CSMD1: variants seen among roughly 807,000 people sequenced by gnomAD.
CSMD1 encodes the protein CUB and sushi domain-containing protein 1.
CSMD1 carries 213 observed loss-of-function variants against 417.5 expected under a neutral mutation model. The observed-to-expected ratio is 0.51, with a 90% CI of 0.46 to 0.57. The LOEUF (loss-of-function observed/expected upper bound fraction) is 0.57. CSMD1 is among the 20% of genes least tolerant of loss of function. The pLI, the probability that CSMD1 is intolerant of heterozygous loss-of-function variation, is 0.00. For missense variants in CSMD1, 6,923 were observed against 4,529.7 expected, an observed-to-expected ratio of 1.53 and a Z score of -15.17; for synonymous variants, 2,862 against 1,736.8, an observed-to-expected ratio of 1.65 and a Z score of -16.11.
chr8:3,837,223 T>A (rs1039879702), intron 5 of CSMD1, among the ~76,000 whole-genome samples: 2 of 152,146 alleles, frequency 1.3e-5, no homozygotes, highest in African/African-American at 2.4e-5. Context: ...TATTCCAGAA[T>A]AGATGTGCAT....
intron 3 of CSMD1, among the ~76,000 whole-genome samples, chr8:4,113,106 G>T (rs541644803): frequency 6.6e-6 from 1 of 152,210 alleles, no homozygotes; most frequent in Non-Finnish European, 1.5e-5. Flanking sequence ...TTAATGTGGT[G>T]TGTGTTCTTA....
At chr8:3,438,855 C>A (rs912212595) in intron 12 of CSMD1, among the ~76,000 whole-genome samples, 1 of 151,810 alleles carries the variant, frequency 6.6e-6, no homozygotes, top group Non-Finnish European at 1.5e-5. Flanking sequence ...GTGGCTTGCA[C>A]CTGTAATCCC....
At chr8:3,333,281 A>G (rs1807028683) in intron 23 of CSMD1, among the ~76,000 whole-genome samples, 1 of 151,998 alleles carries the variant, frequency 6.6e-6, no homozygotes, top group Admixed American at 6.5e-5. Flanking sequence ...ATGCTGTGAG[A>G]TAAGAAACGG....
intron 2 of CSMD1, among the ~76,000 whole-genome samples, chr8:4,551,814 G>C (rs1797883367): frequency 6.6e-6 from 1 of 151,796 alleles, no homozygotes; most frequent in African/African-American, 2.4e-5. Flanking sequence ...TAGTAGCTGG[G>C]ATACCTGGCT....
At chr8:4,018,774 T>C (rs1246736316) in intron 4 of CSMD1, among the ~76,000 whole-genome samples, 1 of 152,210 alleles carries the variant, frequency 6.6e-6, no homozygotes, top group Non-Finnish European at 1.5e-5. Flanking sequence ...ACAGACTCTG[T>C]AGCCAAAGTG....
rs543452589 is a variant in CSMD1, at chr8:3,618,746, A to G, written c.1010-1949T>C. Among the ~76,000 whole-genome samples, 429 of 152,322 alleles carry G rather than the reference A, an allele frequency of 2.8e-3. 2 individuals are homozygous for G. Among genetic ancestry groups the G allele is most frequent in the African/African-American group, 9.7e-3 (402 of 41,576 alleles). On this transcript the variant is annotated intron_variant, in intron 7 of 69. Transcript: ENST00000635120. The stretch of plus-strand genomic sequence containing the variant: ...TCTGTAACAACCAAGCAAATGCCCA[A>G]TGAAGAAAAAGATGTTCAAAATAGG...
At chr8:4,129,542 T>A (rs1265320887) in intron 3 of CSMD1, among the ~76,000 whole-genome samples, 2 of 151,800 alleles carry the variant, frequency 1.3e-5, no homozygotes, top group African/African-American at 4.8e-5. Flanking sequence ...ATTTTGAGAT[T>A]GGATTCCATC....
chr8:3,510,429 G>A (rs1236319773), intron 10 of CSMD1, among the ~76,000 whole-genome samples: 1 of 151,784 alleles, frequency 6.6e-6, no homozygotes, highest in East Asian at 1.9e-4. Flanking sequence ...ATTTGGCCTG[G>A]CATGGGGTAA....
chr8:3,446,796 G>T (rs186130637), intron 12 of CSMD1, among the ~76,000 whole-genome samples: 1 of 152,334 alleles, frequency 6.6e-6, no homozygotes, highest in African/African-American at 2.4e-5. Context: ...GAACCTGTTG[G>T]AAATATAAAT....
At chr8:3,914,432 T>C (rs1361037761) in intron 5 of CSMD1, among the ~76,000 whole-genome samples, 2 of 152,194 alleles carry the variant, frequency 1.3e-5, no homozygotes, top group Admixed American at 6.5e-5. Context: ...AACCATGTTC[T>C]AAATCTTCTA....
chr8:4,988,599 AGAGTT>A (rs1365249755), intron 1 of CSMD1, among the ~76,000 whole-genome samples: 2 of 152,224 alleles, frequency 1.3e-5, no homozygotes, highest in Non-Finnish European at 2.9e-5. Context: ...CAACACATTT[AGAGTT>A]GGTGGATGAG....
intron 5 of CSMD1, among the ~76,000 whole-genome samples, chr8:3,833,687 T>C (rs933434538): frequency 6.6e-6 from 1 of 152,174 alleles, no homozygotes; most frequent in African/African-American, 2.4e-5. Context: ...TATCCTTTTC[T>C]TCAATCTTTC....
At chr8:3,668,834 A>G (rs1018230051) in intron 7 of CSMD1, among the ~76,000 whole-genome samples, 8 of 152,270 alleles carry the variant, frequency 5.3e-5, no homozygotes, top group South Asian at 2.1e-4. Context: ...AAGTTATAGA[A>G]TGAACACAAT....
intron 26 of CSMD1, among the ~76,000 whole-genome samples, chr8:3,250,730 G>C (rs550538942): frequency 1.2e-4 from 19 of 152,244 alleles, no homozygotes; most frequent in Non-Finnish European, 2.2e-4. Context: ...GTTGTTTCCT[G>C]ACTTTTTAAT....
intron 42 of CSMD1, among the ~76,000 whole-genome samples, chr8:3,115,415 T>C (rs991160998): frequency 6.6e-6 from 1 of 152,186 alleles, no homozygotes; most frequent in South Asian, 2.1e-4. Context: ...TTGGCCAGGC[T>C]TGTCTCAAAC....
intron 3 of CSMD1, among the ~76,000 whole-genome samples, chr8:4,333,599 G>T: frequency 6.6e-6 from 1 of 152,144 alleles, no homozygotes; most frequent in East Asian, 1.9e-4. Flanking sequence ...TCTTGCTGTT[G>T]TTACTGATGC....
intron 5 of CSMD1, among the ~76,000 whole-genome samples, chr8:3,825,883 A>G (rs1456617707): frequency 6.6e-6 from 1 of 152,210 alleles, no homozygotes; most frequent in Admixed American, 6.5e-5. Context: ...AAGATCAGAA[A>G]CCAAGGTATC....
intron 3 of CSMD1, among the ~76,000 whole-genome samples, chr8:4,344,963 A>C (rs1800697580): frequency 1.3e-5 from 2 of 152,116 alleles, no homozygotes; most frequent in South Asian, 4.1e-4. Flanking sequence ...AAGATTAAGG[A>C]ATTTTCGGAC....
chr8:3,451,890 T>C (rs1815744817), intron 12 of CSMD1, among the ~76,000 whole-genome samples: 1 of 152,204 alleles, frequency 6.6e-6, no homozygotes, highest in South Asian at 2.1e-4. Flanking sequence ...GCATTGAATC[T>C]ATAAATTACC....
Sources: allele counts gnomAD v4.1 joint callset (sites outside exome capture counted in the v4.1 genomes callset), GRCh38; gene constraint gnomAD v4.1.1; transcripts MANE v1.5; gene names NCBI Gene and HGNC (gene_info 2026-07-23, HGNC 2026-07-21).